The following NAV3 variants were observed in gnomAD, a reference collection of about 807,000 sequenced individuals.
NAV3 encodes the protein pore membrane and/or filament interacting like protein 1.
Under a neutral mutation model 244.7 loss-of-function variants are expected in NAV3, and 87 were observed. The observed-to-expected ratio is 0.36, with a 90% CI of 0.30 to 0.42. The LOEUF (loss-of-function observed/expected upper bound fraction) is 0.42, where lower values mean the gene tolerates loss of function less well. Ranked by LOEUF, NAV3 falls within the 20% of genes least tolerant of loss-of-function variation. NAV3 has a pLI of 1.00. For missense variants in NAV3, 2,663 were observed against 2,893.3 expected (o/e 0.92, Z 1.83); for synonymous variants, 1,126 against 1,042.2 (o/e 1.08, Z -1.55).
At chr12:78,073,400 AAC>A (rs562077688) in intron 12 of NAV3, among the ~76,000 whole-genome samples, 4 of 151,304 alleles carry the variant, frequency 2.6e-5, no homozygotes, top group African/African-American at 9.7e-5. Context: ...GCAACAGACA[AAC>A]AGAGAGCCAA....
At chr12:77,827,697 G>A (rs979878376), upstream of NAV3, among the ~76,000 whole-genome samples, 3 of 152,080 alleles carry the variant, frequency 2.0e-5, no homozygotes, top group Non-Finnish European at 4.4e-5. Context: ...AACATTTAGA[G>A]CTAACATTTA....
intron 34 of NAV3, among the ~76,000 whole-genome samples, chr12:78,191,714 T>G (rs1958990267): frequency 1.3e-5 from 2 of 152,112 alleles, no homozygotes; most frequent in South Asian, 4.1e-4. Flanking sequence ...AGCTGACATG[T>G]TTAATGCTTC....
intron 2 of NAV3, among the ~76,000 whole-genome samples, chr12:77,647,703 ACT>A (rs1474621811): frequency 6.6e-6 from 1 of 151,758 alleles, no homozygotes; most frequent in African/African-American, 2.4e-5. Context: ...TGCTATATCA[ACT>A]CTCTCTAATG....
At chr12:77,629,387 G>T (rs1160467278) in intron 2 of NAV3, among the ~76,000 whole-genome samples, 1 of 152,190 alleles carries the variant, frequency 6.6e-6, no homozygotes, top group Non-Finnish European at 1.5e-5. Flanking sequence ...GTGTAATTGT[G>T]ATAACTGGCC....
chr12:77,979,665 C>G (rs190327608), intron 5 of NAV3, among the ~76,000 whole-genome samples: 72 of 142,926 alleles, frequency 5.0e-4, no homozygotes, highest in African/African-American at 1.7e-3. Flanking sequence ...CTCCCTCTTT[C>G]TGACTGATCT....
At chr12:77,743,655 AAAAT>A (rs1397444959) in intron 2 of NAV3, among the ~76,000 whole-genome samples, 1 of 151,904 alleles carries the variant, frequency 6.6e-6, no homozygotes, top group Non-Finnish European at 1.5e-5. Context: ...TATCCATAGC[AAAAT>A]AAATAGATCT....
At chr12:77,661,063 G>T (rs781681769) in intron 2 of NAV3, among the ~76,000 whole-genome samples, 1 of 152,048 alleles carries the variant, frequency 6.6e-6, no homozygotes, top group South Asian at 2.1e-4. Context: ...CACCTTCAAG[G>T]CTTTAAATGT....
intron 2 of NAV3, among the ~76,000 whole-genome samples, chr12:77,753,277 A>T (rs1868954112): frequency 6.6e-6 from 1 of 152,122 alleles, no homozygotes; most frequent in South Asian, 2.1e-4. Flanking sequence ...TCTCATGAGC[A>T]CCCTGTCTTG....
At position 77,755,611 on chromosome 12, in the gene NAV3, C is replaced by CTCCTTCCTTCCTTCCTTCCT. The variant is rs1186550811; in HGVS notation, c.72+183373_72+183392dup. The stretch of plus-strand genomic sequence containing the variant: ...CCTCCCTCCCTCCCTCCCTCCCTCC[C>CTCCTTCCTTCCTTCCTTCCT]TCCTTCCTTCCTTCCTTCCTTCCTT... On this transcript the variant is annotated intron_variant, in intron 2 of 8. Transcript: ENST00000550042. Among the ~76,000 whole-genome samples the CTCCTTCCTTCCTTCCTTCCT allele has an allele frequency of 2.5e-3, 95 of 38,242 alleles. 2 individuals are homozygous for CTCCTTCCTTCCTTCCTTCCT. The highest frequency in any genetic ancestry group is 3.5e-3 in the Non-Finnish European group (70 of 20,220). The allele number at this position is 38,242 out of a possible 152,430, so 25.1% of individuals were successfully genotyped here. A position where few individuals can be genotyped will look rare whatever the true frequency, so the allele number is the denominator to read the frequency against.
chr12:78,190,774 A>G (rs300510), intron 34 of NAV3, among the ~76,000 whole-genome samples: 50,172 of 152,042 alleles, frequency 0.33, 9,754 homozygotes, highest in Non-Finnish European at 0.45. Flanking sequence ...TTTCACCACC[A>G]TCTACGGTCT....
chr12:77,762,527 C>T (rs1183840550), intron 2 of NAV3, among the ~76,000 whole-genome samples: 2 of 151,970 alleles, frequency 1.3e-5, no homozygotes, highest in African/African-American at 2.4e-5. Flanking sequence ...CGCTTGAACC[C>T]GGGAGGCGGA....
intron 8 of NAV3, among the ~76,000 whole-genome samples, chr12:78,009,461 A>G (rs905031718): frequency 1.3e-5 from 2 of 148,626 alleles, no homozygotes; most frequent in African/African-American, 5.1e-5. Context: ...AAAAAAAAAA[A>G]AAAAAAAAAA....
rs56292892 is a variant in NAV3, at chr12:78,148,230, G to A, written c.4708-612G>A. ...AGCTAATAATAACTCACTAAATAAA[G>A]GTCTTGATAATACAGATTTGGGAAG... On this transcript the variant is annotated intron_variant, in intron 21 of 39. Coordinates refer to ENST00000397909, the MANE Select transcript of NAV3 (RefSeq NM_001024383.2). 3.5e-3 allele frequency among the ~76,000 whole-genome samples: 528 copies of A among 152,022 alleles called. 5 individuals are homozygous for A. The highest frequency in any genetic ancestry group is 0.012 in the African/African-American group (481 of 41,514).
At chr12:77,832,134 G>T (rs111607974) in intron 1 of NAV3, among the ~76,000 whole-genome samples, 236 of 152,246 alleles carry the variant, frequency 1.6e-3, no homozygotes, top group Non-Finnish European at 2.6e-3. Flanking sequence ...AATGTCATTT[G>T]CATTTCAAAG....
intron 2 of NAV3, among the ~76,000 whole-genome samples, chr12:77,642,562 G>A (rs1293876877): frequency 1.3e-5 from 2 of 151,990 alleles, no homozygotes; most frequent in African/African-American, 4.8e-5. Flanking sequence ...GAAGACTGAG[G>A]GTAGTATGCG....
intron 9 of NAV3, among the ~76,000 whole-genome samples, chr12:78,046,205 AAGGG>A (rs1419732143): frequency 6.6e-6 from 1 of 151,920 alleles, no homozygotes; most frequent in Non-Finnish European, 1.5e-5. Flanking sequence ...TGATTTTTTG[AAGGG>A]TTTTTGTGTC....
intron 2 of NAV3, among the ~76,000 whole-genome samples, chr12:77,660,951 C>G (rs1873415929): frequency 6.6e-6 from 1 of 152,126 alleles, no homozygotes. Flanking sequence ...GAATAGTATT[C>G]CATTGTCTGG....
chr12:77,953,536 G>T (rs760127414), intron 3 of NAV3, among the ~76,000 whole-genome samples: 1 of 152,034 alleles, frequency 6.6e-6, no homozygotes, highest in Non-Finnish European at 1.5e-5. Context: ...ATTAATAAAC[G>T]TACTCCTTGT....
intron 38 of NAV3, among the ~76,000 whole-genome samples, chr12:78,201,150 G>A (rs1223080965): frequency 9.8e-5 from 14 of 142,208 alleles, no homozygotes; most frequent in Admixed American, 9.6e-4. Context: ...ATGGCTCACT[G>A]CAGCCTCGAA....
Sources: gnomAD v4.1 joint callset for allele counts (sites outside exome capture counted in the v4.1 genomes callset) on GRCh38, gnomAD v4.1.1 for gene constraint, MANE v1.5 for transcripts, NCBI Gene and HGNC (gene_info 2026-07-23, HGNC 2026-07-21) for gene names.